COL7A1: variants seen among roughly 807,000 people sequenced by gnomAD.
The protein encoded by COL7A1 is collagen type VII alpha 1 chain, also known as collagen alpha-1(VII) chain.
In COL7A1, 296 loss-of-function variants were observed where a neutral mutation model predicts 456.2. The ratio of observed to expected loss-of-function variants is 0.65; its 90% CI spans 0.59 to 0.71. COL7A1 has a LOEUF of 0.71. COL7A1 is among the 30% of genes least tolerant of loss of function. The pLI is 0.00. For missense variants in COL7A1, 3,441 were observed against 4,017.2 expected (o/e 0.86, Z 3.88); for synonymous variants, 1,464 against 1,525.9 (o/e 0.96, Z 0.95).
rs747814933 is a variant in COL7A1, at chr3:48,588,970, C to T, written c.2340G>A (p.Ser780=). 109 of 1,613,376 alleles carry T rather than the reference C, an allele frequency of 6.8e-5. No individual in the cohort carries two copies. Among genetic ancestry groups the T allele is most frequent in the Non-Finnish European group, 8.6e-5 (102 of 1,180,048 alleles). ...TGGAAGCATTGAGGATCTGCAGCCT[C>T]GACACACGACCCACAGGCTCAGGGG... ...RTAPEPVGRV[S]RLQILNASSD... Residue 780 remains serine (S), a synonymous_variant, in exon 19 of 119, where the codon TCG becomes TCA. Coordinates refer to ENST00000681320, the MANE Select transcript of COL7A1 (RefSeq NM_000094.4). The surrounding 1 kb of genome is among the most constrained non-coding windows in gnomAD (Gnocchi z 4.6).
Position 48,588,707 on chromosome 3 carries a change from G to A in COL7A1, c.2522C>T (p.Ser841Leu), listed in dbSNP as rs1438325890. 1 of 1,613,918 alleles carries A rather than the reference G, an allele frequency of 6.2e-7. No individual in the cohort carries two copies. The stretch of plus-strand genomic sequence containing the variant: ...CCCGACAAGTGCAGTCACTCGCACT[G>A]AGTAGCTGACTCCACCTTCGAGACC... Reference protein sequence around the residue: ...IRGLEGGVSYSVRVTALVGDR... With the variant: ...IRGLEGGVSYLVRVTALVGDR... Residue 841 changes from serine to leucine, a missense_variant, in exon 20 of 119, where the codon TCA becomes TTA. By Grantham distance (145) the Ser-to-Leu change is moderately radical. Around this residue, in one of 3 missense-constraint regions of COL7A1, gnomAD observed 444 missense variants for 427.6 expected, o/e 1.04. Transcript: ENST00000681320. The surrounding 1 kb of genome is among the most constrained non-coding windows in gnomAD (Gnocchi z 4.6).
rs2044593295 is a variant in COL7A1, at chr3:48,579,704, G to A, written c.5155-36C>T. On this transcript the variant is annotated intron_variant, in intron 58 of 118. Coordinates refer to ENST00000681320, the MANE Select transcript of COL7A1 (RefSeq NM_000094.4). This position sits in a 1 kb window ranked among gnomAD's most constrained non-coding sequence, Gnocchi z 4.4. ...GATAAGCTTGCTGAGGAACAGCCTT[G>A]AAGCCAAGCCATGCCCAAGGTAGAA... 1 of 1,613,832 alleles carries A rather than the reference G, an allele frequency of 6.2e-7. No individual in the cohort carries two copies.
chr3:48,595,195 C>A (rs948314113), intron 1 of COL7A1, 35 bp from the exon 2 acceptor site: 6 of 1,527,972 alleles, frequency 3.9e-6, no homozygotes, highest in Non-Finnish European at 5.3e-6. Context: ...GGACCCCCGC[C>A]TCTGTCCCTT....
Position 48,569,683 on chromosome 3 carries a change from G to A in COL7A1, c.7558-35C>T, listed in dbSNP as rs761171654. On this transcript the variant is annotated intron_variant, in intron 101 of 118. Transcript: ENST00000681320. This position sits in a 1 kb window ranked among gnomAD's most constrained non-coding sequence, Gnocchi z 4.9. Reference sequence around the variant, plus strand: ...CAGGCAGGAATCAGAGGAGTCGGGAGCACCCTGGCCCCTGCCCTGCCCTCC... The same window carrying A: ...CAGGCAGGAATCAGAGGAGTCGGGAACACCCTGGCCCCTGCCCTGCCCTCC... The A allele has an allele frequency of 1.2e-6, 2 of 1,614,028 alleles. No homozygotes were observed. The highest frequency in any genetic ancestry group is 1.1e-5 in the South Asian group (1 of 91,088).
In COL7A1 at chr3:48,565,544, GCCATCCCAGCCAA is replaced by G; in HGVS notation, c.8441-61_8441-49del. The G allele has an allele frequency of 6.2e-7, 1 of 1,613,738 alleles. No individual in the cohort carries two copies. Among genetic ancestry groups the G allele is most frequent in the South Asian group, 1.1e-5 (1 of 91,038 alleles). On this transcript the variant is annotated intron_variant, in intron 115 of 118. Transcript: ENST00000681320. This position sits in a 1 kb window ranked among gnomAD's most constrained non-coding sequence, Gnocchi z 4.5. Reference sequence around the variant, plus strand: ...CAGGGCCCTGAAGTCACCATGGGCAGCCATCCCAGCCAACCCCCCTGAGAGGACCCCAGTTGAT... The same window carrying G: ...CAGGGCCCTGAAGTCACCATGGGCAGCCCCCCTGAGAGGACCCCAGTTGAT...
rs1575449416 is a variant in COL7A1 at position 48,578,849 on chromosome 3, G to A, written c.5424+70C>T. 12 of 1,508,488 alleles carry A rather than the reference G, an allele frequency of 8.0e-6. No individual in the cohort carries two copies. The highest frequency in any genetic ancestry group is 2.0e-4 in the Middle Eastern group (1 of 4,934). The allele number at this position is 1,508,488 out of a possible 1,614,324, so 93.4% of individuals were successfully genotyped here. ...CCCCACCAACTCTCTCGGATGCTGT[G>A]ACTATGATGATCTGGTTGGAGCTTA... is the stretch of plus-strand genomic sequence containing the variant. On this transcript the variant is annotated intron_variant, in intron 63 of 118. Coordinates refer to ENST00000681320, the MANE Select transcript of COL7A1 (RefSeq NM_000094.4). The surrounding 1 kb of genome is among the most constrained non-coding windows in gnomAD (Gnocchi z 4.7).
At chr3:48,577,500 T>G (rs1449475954) in intron 65 of COL7A1, among the ~76,000 whole-genome samples, 2 of 152,212 alleles carry the variant, frequency 1.3e-5, no homozygotes, top group East Asian at 3.8e-4. Context: ...GCAACTCTTG[T>G]GTGTAGCTCA....
chr3:48,588,439 C>T lies in COL7A1; in HGVS notation c.2588-35G>A, dbSNP rs1323972537. Reference sequence around the variant, plus strand: ...AAGCTCAGGAATCAGGGAGGCTCTGCCCCCATGGCCCCTGCACCAATCCCA... The same window carrying T: ...AAGCTCAGGAATCAGGGAGGCTCTGTCCCCATGGCCCCTGCACCAATCCCA... On this transcript the variant is annotated intron_variant, in intron 20 of 118. Coordinates refer to ENST00000681320, the MANE Select transcript of COL7A1 (RefSeq NM_000094.4). The surrounding 1 kb of genome is among the most constrained non-coding windows in gnomAD (Gnocchi z 4.6). 3.1e-6 allele frequency: 5 copies of T among 1,601,566 alleles called. No individual in the cohort carries two copies. The highest frequency in any genetic ancestry group is 3.4e-6 in the Non-Finnish European group (4 of 1,178,710).
rs1296605416 is a variant in COL7A1 at position 48,572,051 on chromosome 3, C to T, written c.7024-6G>A. On this transcript the variant is annotated splice_region_variant and splice_polypyrimidine_tract_variant and intron_variant, in intron 91 of 118. Transcript: ENST00000681320. The surrounding 1 kb of genome is among the most constrained non-coding windows in gnomAD (Gnocchi z 4.6). ...CCTGCACGGCCAGCTTCACCCTGCA[C>T]AGAATGGCAGGTGAGGGGTGTCTGG... The T allele has an allele frequency of 1.2e-6, 2 of 1,613,000 alleles. No individual in the cohort carries two copies. The highest frequency in any genetic ancestry group is 1.7e-6 in the Non-Finnish European group (2 of 1,179,604).
rs1374462358 is a variant in COL7A1, at chr3:48,588,237, C to T, written c.2710+45G>A. Reference sequence around the variant, plus strand: ...CCTACCTTGCGGAGTCTGCCACAGCCCTGCCCCCAATGGTCCCTAACTTCC... The same window carrying T: ...CCTACCTTGCGGAGTCTGCCACAGCTCTGCCCCCAATGGTCCCTAACTTCC... On this transcript the variant is annotated intron_variant, in intron 21 of 118. Coordinates refer to ENST00000681320, the MANE Select transcript of COL7A1 (RefSeq NM_000094.4). The surrounding 1 kb of genome is among the most constrained non-coding windows in gnomAD (Gnocchi z 4.6). 5 of 1,612,702 alleles carry T rather than the reference C, an allele frequency of 3.1e-6. No individual in the cohort carries two copies. The highest frequency in any genetic ancestry group is 1.7e-4 in the Middle Eastern group (1 of 6,058).
rs2043779884 is a variant in COL7A1, at chr3:48,569,561, G to A, written c.7614+31C>T. ...CCACGGGGTCCCTCTCGCACCCAGG[G>A]GAGACCCAGTCCACACGTGGGCCCA... On this transcript the variant is annotated intron_variant, in intron 102 of 118. Coordinates refer to ENST00000681320, the MANE Select transcript of COL7A1 (RefSeq NM_000094.4). The surrounding 1 kb of genome is among the most constrained non-coding windows in gnomAD (Gnocchi z 4.9). The A allele has an allele frequency of 6.2e-7, 1 of 1,613,466 alleles. No individual in the cohort carries two copies. The highest frequency in any genetic ancestry group is 1.7e-5 in the Admixed American group (1 of 59,992).
Position 48,589,000 on chromosome 3 carries a change from G to A in COL7A1, c.2315-5C>T, listed in dbSNP as rs1279954107. ...CACGACCCACAGGCTCAGGGGCTGG[G>A]GACAGAGGCAAGGTAAGGGGTCCTG... On this transcript the variant is annotated splice_polypyrimidine_tract_variant and splice_region_variant and intron_variant, in intron 18 of 118. Transcript: ENST00000681320. This position sits in a 1 kb window ranked among gnomAD's most constrained non-coding sequence, Gnocchi z 4.6. 6.2e-7 allele frequency: 1 copy of A among 1,613,262 alleles called. No homozygotes were observed. Among genetic ancestry groups the A allele is most frequent in the African/African-American group, 1.3e-5 (1 of 74,942 alleles).
chr3:48,571,377 A>G lies in COL7A1; in HGVS notation c.7069-99T>C, dbSNP rs1560204878. The G allele has an allele frequency of 3.4e-6, 5 of 1,452,680 alleles. No homozygotes were observed. The highest frequency in any genetic ancestry group is 2.3e-5 in the East Asian group (1 of 43,436). The allele number at this position is 1,452,680 out of a possible 1,614,324, so 90.0% of individuals were successfully genotyped here. A position where few individuals can be genotyped will look rare whatever the true frequency, so the allele number is the denominator to read the frequency against. ...TTCCCAGGGGAGTTCTGATGTGACC[A>G]TGAACACATGGGAACTCAGACATGC... On this transcript the variant is annotated intron_variant, in intron 92 of 118. Transcript: ENST00000681320. This position sits in a 1 kb window ranked among gnomAD's most constrained non-coding sequence, Gnocchi z 4.6.
At position 48,570,078 on chromosome 3, in the gene COL7A1, G is replaced by A; in HGVS notation, c.7485+56C>T. The A allele has an allele frequency of 3.1e-6, 5 of 1,608,814 alleles. No individual in the cohort carries two copies. In the South Asian group the frequency reaches 5.5e-5, roughly 18 times the overall value. On this transcript the variant is annotated intron_variant, in intron 99 of 118. Transcript: ENST00000681320. The surrounding 1 kb of genome is among the most constrained non-coding windows in gnomAD (Gnocchi z 5.5). The stretch of plus-strand genomic sequence containing the variant: ...ATGGCAGAGAGTCCTGGGGTACAAA[G>A]GGCACAGGCAGGGGACTGAAGTCAC...
chr3:48,574,442 G>A lies in COL7A1; in HGVS notation c.6456+46C>T. Reference sequence around the variant, plus strand: ...GCCCTGCACACAGGACAATACATGTGAGAGCCACCTTCTTGCACATGTGTG... The same window carrying A: ...GCCCTGCACACAGGACAATACATGTAAGAGCCACCTTCTTGCACATGTGTG... On this transcript the variant is annotated intron_variant, in intron 79 of 118. Coordinates refer to ENST00000681320, the MANE Select transcript of COL7A1 (RefSeq NM_000094.4). This position sits in a 1 kb window ranked among gnomAD's most constrained non-coding sequence, Gnocchi z 5.0. 6 of 1,613,792 alleles carry A rather than the reference G, an allele frequency of 3.7e-6. No homozygotes were observed. Among genetic ancestry groups the A allele is most frequent in the South Asian group, 1.1e-5 (1 of 91,062 alleles).
rs371699045 is a variant in COL7A1, at chr3:48,581,359, G to T, written c.4819-19C>A. On this transcript the variant is annotated intron_variant, in intron 51 of 118. Coordinates refer to ENST00000681320, the MANE Select transcript of COL7A1 (RefSeq NM_000094.4). This position sits in a 1 kb window ranked among gnomAD's most constrained non-coding sequence, Gnocchi z 5.8. ...AGTCACCCTGTGGAGGAGGCAAGAGGGAGGTGATGCAGGACGCTCGAAGCA... is the reference window on the plus strand; with the variant it reads ...AGTCACCCTGTGGAGGAGGCAAGAGTGAGGTGATGCAGGACGCTCGAAGCA... 6.2e-7 allele frequency: 1 copy of T among 1,613,752 alleles called. No homozygotes were observed. Among genetic ancestry groups the T allele is most frequent in the Non-Finnish European group, 8.5e-7 (1 of 1,179,946 alleles).
Position 48,576,938 on chromosome 3 carries a change from C to T in COL7A1, c.5569-19G>A. The T allele has an allele frequency of 6.2e-7, 1 of 1,614,024 alleles. No homozygotes were observed. The highest frequency in any genetic ancestry group is 8.5e-7 in the Non-Finnish European group (1 of 1,179,986). ...TCTCTCCCTAAGGAAGACAAGGATGCTTCAGGCATGGCTCCAAGCAGAGAC... is the reference window on the plus strand; with the variant it reads ...TCTCTCCCTAAGGAAGACAAGGATGTTTCAGGCATGGCTCCAAGCAGAGAC... On this transcript the variant is annotated intron_variant, in intron 66 of 118. Transcript: ENST00000681320.
Position 48,575,134 on chromosome 3 carries a change from A to C in COL7A1, c.6217-8T>G. 1 of 1,613,736 alleles carries C rather than the reference A, an allele frequency of 6.2e-7. No individual in the cohort carries two copies. Among genetic ancestry groups the C allele is most frequent in the South Asian group, 1.1e-5 (1 of 91,074 alleles). On this transcript the variant is annotated splice_polypyrimidine_tract_variant and splice_region_variant and intron_variant, in intron 75 of 118. Coordinates refer to ENST00000681320, the MANE Select transcript of COL7A1 (RefSeq NM_000094.4). The surrounding 1 kb of genome is among the most constrained non-coding windows in gnomAD (Gnocchi z 6.3). ...AGGAGGGCCATCTCTGCCCTGCAGGAAACAAGAAAATGGGGTGGCAGCCCC... is the reference window on the plus strand; with the variant it reads ...AGGAGGGCCATCTCTGCCCTGCAGGCAACAAGAAAATGGGGTGGCAGCCCC...
In COL7A1 at chr3:48,591,915, TCC is replaced by T; in HGVS notation, c.1338_1339del (p.Glu447MetfsTer4). The T allele has an allele frequency of 6.2e-7, 1 of 1,614,084 alleles. No homozygotes were observed. The highest frequency in any genetic ancestry group is 8.5e-7 in the Non-Finnish European group (1 of 1,180,004). On this transcript the variant is annotated frameshift_variant, in exon 11 of 119. Coordinates refer to ENST00000681320, the MANE Select transcript of COL7A1 (RefSeq NM_000094.4). LOFTEE classifies it high-confidence loss of function. The surrounding 1 kb of genome is among the most constrained non-coding windows in gnomAD (Gnocchi z 7.0). ...GCACTGACCAGTCTCACGCCGCCAT[TCC>T]AACCGGTAGCCACGGGCCTCAGGCA... is the stretch of plus-strand genomic sequence containing the variant.
Sources: allele counts gnomAD v4.1 joint callset (sites outside exome capture counted in the v4.1 genomes callset), GRCh38; gene constraint gnomAD v4.1.1; regional missense constraint gnomAD v4.1.1; non-coding constraint Gnocchi (gnomAD v3.1); transcripts MANE v1.5; gene names NCBI Gene and HGNC (gene_info 2026-07-23, HGNC 2026-07-21).